The following ARIH1 variants were observed in gnomAD, a reference collection of about 807,000 sequenced individuals.
The protein encoded by ARIH1 is ariadne RBR E3 ubiquitin protein ligase 1, also known as E3 ubiquitin-protein ligase ARIH1.
ARIH1 carries 8 observed loss-of-function variants against 85.0 expected under a neutral mutation model. The ratio of observed to expected loss-of-function variants is 0.09; its 90% CI spans 0.06 to 0.17. ARIH1 has a LOEUF of 0.17. ARIH1 is among the 10% of genes least tolerant of loss of function. The pLI, the probability that ARIH1 is intolerant of heterozygous loss-of-function variation, is 1.00. For synonymous variants in ARIH1, 238 were observed against 253.6 expected (o/e 0.94, Z 0.59); for missense variants, 311 against 718.1 (o/e 0.43, Z 6.48).
intron 1 of ARIH1, among the ~76,000 whole-genome samples, chr15:72,485,460 C>A (rs1173302248): frequency 6.6e-6 from 1 of 151,954 alleles, no homozygotes; most frequent in Non-Finnish European, 1.5e-5. Context: ...GCCGTCTCTG[C>A]TTAACTACAA....
At chr15:72,497,088 A>T (rs750564391) in intron 1 of ARIH1, among the ~76,000 whole-genome samples, 1 of 152,270 alleles carries the variant, frequency 6.6e-6, no homozygotes, top group African/African-American at 2.4e-5. Flanking sequence ...CAACAAAGTA[A>T]ATGGCATTTG....
intron 9 of ARIH1, among the ~76,000 whole-genome samples, chr15:72,567,582 A>G (rs955327650): frequency 2.0e-5 from 3 of 152,240 alleles, no homozygotes; most frequent in African/African-American, 7.2e-5. Context: ...GTTTTGAAGT[A>G]CATTGCTCTT....
chr15:72,557,328 T>TA (rs1162475090), intron 5 of ARIH1, among the ~76,000 whole-genome samples: 1 of 152,120 alleles, frequency 6.6e-6, no homozygotes, highest in African/African-American at 2.4e-5. Flanking sequence ...AGCAAGTTTA[T>TA]TAGAGAAGTA....
At chr15:72,542,117 G>C (rs1011118822) in intron 2 of ARIH1, among the ~76,000 whole-genome samples, 1 of 152,072 alleles carries the variant, frequency 6.6e-6, no homozygotes, top group Non-Finnish European at 1.5e-5. Flanking sequence ...TCCTTATTAC[G>C]CAAAAATAAA....
chr15:72,492,068 C>T (rs1225826578), intron 1 of ARIH1, among the ~76,000 whole-genome samples: 2 of 152,156 alleles, frequency 1.3e-5, no homozygotes, highest in African/African-American at 4.8e-5. Context: ...AAGTCTACTA[C>T]ATACCCCATT....
At chr15:72,552,505 G>A (rs1292609934) in intron 3 of ARIH1, among the ~76,000 whole-genome samples, 8 of 152,088 alleles carry the variant, frequency 5.3e-5, no homozygotes, top group African/African-American at 1.9e-4. Flanking sequence ...GGCCTGGCTG[G>A]TCTCAAACTC....
intron 1 of ARIH1, among the ~76,000 whole-genome samples, chr15:72,513,974 A>T (rs2063963434): frequency 6.7e-6 from 1 of 149,300 alleles, no homozygotes; most frequent in South Asian, 2.2e-4. Context: ...CTCCTCAGCT[A>T]CTGGGACTAA....
intron 9 of ARIH1, among the ~76,000 whole-genome samples, 198 bp downstream of exon 9, chr15:72,567,375 G>C (rs2064225379): frequency 6.7e-6 from 1 of 149,110 alleles, no homozygotes; most frequent in Non-Finnish European, 1.5e-5. Flanking sequence ...ATTGAGTACT[G>C]TAGTACAGCA....
intron 1 of ARIH1, among the ~76,000 whole-genome samples, chr15:72,479,841 T>A (rs900203027): frequency 1.2e-4 from 18 of 152,134 alleles, no homozygotes; most frequent in Non-Finnish European, 1.3e-4. Context: ...GTTGCAAGCC[T>A]AAACTAAGGA....
In ARIH1 at chr15:72,602,972, T is replaced by C. The variant is rs1224119049; in HGVS notation, c.*19680T>C. 2 of 152,214 alleles carry C rather than the reference T, an allele frequency of 1.3e-5. No individual in the cohort carries two copies. The highest frequency in any genetic ancestry group is 2.9e-5 in the Non-Finnish European group (2 of 68,030). The allele number at this position is 152,214 out of a possible 1,614,324, so 9.4% of individuals were successfully genotyped here. Reference sequence around the variant, plus strand: ...TGGCAAACATTTTTTTCCAGAAATATATCAGATAAAATGAACATGTGGTCC... The same window carrying C: ...TGGCAAACATTTTTTTCCAGAAATACATCAGATAAAATGAACATGTGGTCC... On this transcript the variant is annotated 3_prime_UTR_variant, in exon 14 of 14. Transcript: ENST00000379887.
chr15:72,547,076 T>C (rs1315354355), intron 3 of ARIH1, among the ~76,000 whole-genome samples: 6 of 149,188 alleles, frequency 4.0e-5, no homozygotes, highest in African/African-American at 1.5e-4. Context: ...TACAGGCGTC[T>C]GCCATCACGC....
Position 72,583,317 on chromosome 15 carries a change from C to T in ARIH1, c.*25C>T. On this transcript the variant is annotated 3_prime_UTR_variant, in exon 14 of 14. Transcript: ENST00000379887. The stretch of plus-strand genomic sequence containing the variant: ...AGAATGGCCCTGCATAAAATGAACT[C>T]TGAAAACTTTACCATCTAGAGTGCT... 1 of 1,589,250 alleles carries T rather than the reference C, an allele frequency of 6.3e-7. No individual in the cohort carries two copies. The highest frequency in any genetic ancestry group is 8.6e-7 in the Non-Finnish European group (1 of 1,161,424).
At chr15:72,502,091 C>T (rs139345932) in intron 1 of ARIH1, among the ~76,000 whole-genome samples, 9 of 152,088 alleles carry the variant, frequency 5.9e-5, no homozygotes, top group African/African-American at 2.2e-4. Context: ...TGAAGGATAC[C>T]TTACCTATTG....
intron 1 of ARIH1, among the ~76,000 whole-genome samples, chr15:72,486,401 T>C (rs1287313273): frequency 2.0e-5 from 3 of 152,162 alleles, no homozygotes; most frequent in Non-Finnish European, 4.4e-5. Context: ...CCTCGGCTGG[T>C]CACTTCACTG....
chr15:72,477,605 G>A (rs568265929), intron 1 of ARIH1, among the ~76,000 whole-genome samples: 1 of 152,244 alleles, frequency 6.6e-6, no homozygotes, highest in East Asian at 1.9e-4. Context: ...GATATTTGCA[G>A]GTTAGGTTTG....
At position 72,601,995 on chromosome 15, in the gene ARIH1, A is replaced by G. The variant is rs1748476144; in HGVS notation, c.*18703A>G. 6.6e-6 allele frequency: 1 copy of G among 152,172 alleles called. No individual in the cohort carries two copies. Among genetic ancestry groups the G allele is most frequent in the Admixed American group, 6.5e-5 (1 of 15,280 alleles). 9.4% of individuals were successfully genotyped at this position (152,172 alleles called of 1,614,324 possible). On this transcript the variant is annotated 3_prime_UTR_variant, in exon 14 of 14. Transcript: ENST00000379887. ...TCTGCACTTTATCTGTTAATAATAT[A>G]TCTTGGCAATTATTCAATATTAATA...
At chr15:72,484,532 C>T (rs2063829307) in intron 1 of ARIH1, among the ~76,000 whole-genome samples, 1 of 151,756 alleles carries the variant, frequency 6.6e-6, no homozygotes, top group African/African-American at 2.4e-5. Flanking sequence ...GTTTTCTGTT[C>T]TTGATTTACT....
chr15:72,523,921 C>T (rs543890489), intron 2 of ARIH1, among the ~76,000 whole-genome samples: 2 of 149,626 alleles, frequency 1.3e-5, no homozygotes, highest in South Asian at 2.1e-4. Context: ...GGAAAAATAC[C>T]GTGTGCTACT....
intron 5 of ARIH1, 141 bp downstream of exon 5, chr15:72,556,048 A>C (rs1212699467): frequency 1.5e-6 from 1 of 648,692 alleles, no homozygotes; most frequent in Admixed American, 3.1e-5. Flanking sequence ...GTAGTAGTAC[A>C]AAAGCCCATT....
Sources: allele counts gnomAD v4.1 joint callset (sites outside exome capture counted in the v4.1 genomes callset), GRCh38; gene constraint gnomAD v4.1.1; transcripts MANE v1.5; gene names NCBI Gene and HGNC (gene_info 2026-07-23, HGNC 2026-07-21).